Variants in GPRC6A observed in about 807,000 individuals in gnomAD.
GPRC6A encodes G protein-coupled receptor class C group 6 member A.
Under a neutral mutation model 47.0 loss-of-function variants are expected in GPRC6A, and 54 were observed. The ratio of observed to expected loss-of-function variants is 1.15; its 90% CI spans 0.92 to 1.44. The LOEUF (loss-of-function observed/expected upper bound fraction) is 1.44. Ranked by LOEUF, GPRC6A falls within the 40% of genes most tolerant of loss-of-function variation. GPRC6A has a pLI of 0.00. For synonymous variants in GPRC6A, 347 were observed against 377.1 expected, an observed-to-expected ratio of 0.92 and a Z score of 0.93; for missense variants, 1,112 against 1,105.5, an observed-to-expected ratio of 1.01 and a Z score of -0.08.
At chr6:116,794,674 G>A (rs922726076) in intron 5 of GPRC6A, among the ~76,000 whole-genome samples, 3 of 151,976 alleles carry the variant, frequency 2.0e-5, no homozygotes, top group African/African-American at 7.3e-5. Flanking sequence ...AAACTCCCTC[G>A]CTAATTATCT....
intron 5 of GPRC6A, 108 bp downstream of exon 5, chr6:116,795,604 A>G: frequency 2.3e-6 from 2 of 861,544 alleles, no homozygotes. Context: ...GAGCATGGGA[A>G]GCTTTTTAAA....
rs748772260 is a variant in GPRC6A at position 116,793,059 on chromosome 6, G to C, written c.1864C>G (p.Pro622Ala). ...GIIFTRNLNT[P>A]VVKSSGGLRV... ...AATCCCCCGGATGATTTCACAACAG[G>C]TGTGTTCAGGTTTCTTGTAAATATT... The change falls in exon 6 of 6, where the codon CCT becomes GCT. Residue 622 changes from proline (P) to alanine (A), a missense_variant. Physicochemically the swap from Pro to Ala is conservative, Grantham distance 27 (BLOSUM62 -1). Transcript: ENST00000310357. The C allele has an allele frequency of 1.2e-6, 2 of 1,613,690 alleles. No homozygotes were observed. The highest frequency in any genetic ancestry group is 1.3e-5 in the African/African-American group (1 of 74,912).
intron 1 of GPRC6A, among the ~76,000 whole-genome samples, chr6:116,816,702 G>A (rs1164879247): frequency 1.3e-5 from 2 of 152,242 alleles, no homozygotes; most frequent in African/African-American, 4.8e-5. Flanking sequence ...AACCGAAGCA[G>A]GGCGAGGCAT....
Position 116,792,878 on chromosome 6 carries a change from A to G in GPRC6A, c.2045T>C (p.Leu682Pro), listed in dbSNP as rs1367464983. 3 of 1,614,142 alleles carry G rather than the reference A, an allele frequency of 1.9e-6. No homozygotes were observed. The highest frequency in any genetic ancestry group is 1.7e-4 in the Middle Eastern group (1 of 6,060). ...LCISCILTKS[L>P]KILLAFSFDP... ...AAAGCTGAAGGCTAGCAAAATTTTC[A>G]GAGACTTCGTCAAAATGCAGGAGAT... The change falls in exon 6 of 6, where the codon CTG (leucine) becomes CCG (proline). Residue 682 changes from leucine to proline, a missense_variant. Coordinates refer to ENST00000310357, the MANE Select transcript of GPRC6A (RefSeq NM_148963.4).
intron 3 of GPRC6A, among the ~76,000 whole-genome samples, chr6:116,801,201 TTGAG>T (rs1398368918): frequency 1.3e-5 from 2 of 152,280 alleles, no homozygotes; most frequent in East Asian, 1.9e-4. Flanking sequence ...GTTTCAATGA[TTGAG>T]TATGTAGTAA....
At chr6:116,827,589 C>A (rs1392466171) in intron 1 of GPRC6A, among the ~76,000 whole-genome samples, 2 of 151,838 alleles carry the variant, frequency 1.3e-5, no homozygotes, top group Non-Finnish European at 2.9e-5. Flanking sequence ...AGATTTTCAA[C>A]GGAGTGATTT....
intron 1 of GPRC6A, among the ~76,000 whole-genome samples, chr6:116,821,871 A>G (rs958653277): frequency 6.6e-6 from 1 of 150,986 alleles, no homozygotes; most frequent in Non-Finnish European, 1.5e-5. Context: ...GGATCTAATT[A>G]AAGTAAAGAG....
At chr6:116,801,882 C>A (rs921261035) in intron 3 of GPRC6A, among the ~76,000 whole-genome samples, 1 of 152,006 alleles carries the variant, frequency 6.6e-6, no homozygotes, top group Non-Finnish European at 1.5e-5. Flanking sequence ...AAATTTTATT[C>A]TAGCAATTGC....
chr6:116,824,397 G>A (rs943662069), intron 1 of GPRC6A, among the ~76,000 whole-genome samples: 2 of 151,576 alleles, frequency 1.3e-5, no homozygotes, highest in East Asian at 1.9e-4. Flanking sequence ...CAAAATCAGA[G>A]ATGAAAAAGG....
Position 116,806,658 on chromosome 6 carries a change from G to C in GPRC6A, c.1047C>G (p.Asp349Glu). 6.2e-7 allele frequency: 1 copy of C among 1,613,558 alleles called. No individual in the cohort carries two copies. The highest frequency in any genetic ancestry group is 8.5e-7 in the Non-Finnish European group (1 of 1,179,774). ...CATATTCATGTAAGAGTTTGTGACT[G>C]TCACTGGGAAGCAAGTGCAGATTTT... The part of the protein sequence containing the change: ...FLQNLHLLPS[D>E]SHKLLHEYAM... Residue 349 changes from aspartate (D) to glutamate (E), a missense_variant, in exon 3 of 6, where the codon GAC (aspartate) becomes GAG (glutamate). Asp to Glu is a conservative substitution (Grantham distance 45). Coordinates refer to ENST00000310357, the MANE Select transcript of GPRC6A (RefSeq NM_148963.4).
chr6:116,800,331 C>A (rs1411441582), intron 4 of GPRC6A, among the ~76,000 whole-genome samples: 1 of 118,368 alleles, frequency 8.4e-6, no homozygotes, highest in African/African-American at 3.2e-5. Context: ...TTTTTTCCTT[C>A]CTTCCTTCCT....
intron 1 of GPRC6A, among the ~76,000 whole-genome samples, chr6:116,825,207 T>C (rs996290981): frequency 2.6e-5 from 4 of 152,052 alleles, no homozygotes; most frequent in Admixed American, 6.6e-5. Context: ...ACCACTCTTA[T>C]TCAACATAGT....
intron 1 of GPRC6A, among the ~76,000 whole-genome samples, chr6:116,827,502 G>A (rs891211519): frequency 3.3e-5 from 5 of 151,966 alleles, no homozygotes; most frequent in Non-Finnish European, 7.4e-5. Context: ...TAGGGTACAG[G>A]TAAGGTAGGC....
chr6:116,817,268 C>A (rs1361262662), intron 1 of GPRC6A, among the ~76,000 whole-genome samples: 2 of 152,174 alleles, frequency 1.3e-5, no homozygotes, highest in Non-Finnish European at 2.9e-5. Flanking sequence ...CACCCCCCAG[C>A]AGGGGCACAC....
intron 2 of GPRC6A, 85 bp downstream of exon 2, chr6:116,809,229 C>T: frequency 9.5e-7 from 1 of 1,050,424 alleles, no homozygotes; most frequent in Non-Finnish European, 1.4e-6. Flanking sequence ...AAGTGACTCC[C>T]TAACTAGTTT....
In GPRC6A at chr6:116,809,583, T is replaced by C. The variant is rs749068518; in HGVS notation, c.229A>G (p.Met77Val). 3.7e-6 allele frequency: 6 copies of C among 1,610,186 alleles called. No individual in the cohort carries two copies. The Admixed American group carries it at 6.7e-5, about 18-fold the overall frequency. ...EISVFLQTLA[M>V]IHSIEMINNS... ...TTGATCATCTCAATGCTGTGTATCATGGCAAGAGTTTGAAGAAAAACTGAT... is the reference window on the plus strand; with the variant it reads ...TTGATCATCTCAATGCTGTGTATCACGGCAAGAGTTTGAAGAAAAACTGAT... The change falls in exon 2 of 6, where the codon ATG (methionine) becomes GTG (valine). Residue 77 changes from methionine (M) to valine (V), a missense_variant. Met to Val is a conservative substitution (Grantham distance 21, BLOSUM62 1). Transcript: ENST00000310357.
intron 1 of GPRC6A, among the ~76,000 whole-genome samples, chr6:116,814,168 G>A (rs540119000): frequency 6.6e-6 from 1 of 152,108 alleles, no homozygotes; most frequent in Admixed American, 6.5e-5. Context: ...AGTGTAAATT[G>A]GTTCAACCAT....
chr6:116,809,165 T>C (rs1272822155), intron 2 of GPRC6A, 149 bp downstream of exon 2: 14 of 620,010 alleles, frequency 2.3e-5, no homozygotes, highest in African/African-American at 3.7e-5. Flanking sequence ...CACTATACTC[T>C]CTGTAATGGT....
chr6:116,802,746 C>T (rs1345661613), intron 3 of GPRC6A, among the ~76,000 whole-genome samples: 1 of 152,076 alleles, frequency 6.6e-6, no homozygotes, highest in African/African-American at 2.4e-5. Flanking sequence ...CAGGTCTTTA[C>T]TGTTAAGGTT....
Sources: gnomAD v4.1 joint callset for allele counts (sites outside exome capture counted in the v4.1 genomes callset) on GRCh38, gnomAD v4.1.1 for gene constraint, MANE v1.5 for transcripts, NCBI Gene and HGNC (gene_info 2026-07-23, HGNC 2026-07-21) for gene names.